RBFOX1: variants seen among roughly 807,000 people sequenced by gnomAD.
The protein encoded by RBFOX1 is RNA binding fox-1 homolog 1.
In RBFOX1, 8 loss-of-function variants were observed where a neutral mutation model predicts 57.7. The ratio of observed to expected loss-of-function variants is 0.14; its 90% CI spans 0.08 to 0.25. The LOEUF (loss-of-function observed/expected upper bound fraction) is 0.25, where lower values mean the gene tolerates loss of function less well. RBFOX1 is among the 10% of genes least tolerant of loss of function. The pLI is 1.00. For missense variants in RBFOX1, 611 were observed against 548.5 expected, an observed-to-expected ratio of 1.11 and a Z score of -1.14; for synonymous variants, 326 against 222.4, an observed-to-expected ratio of 1.47 and a Z score of -4.15.
intron 4 of RBFOX1, among the ~76,000 whole-genome samples, chr16:5,935,458 CAG>C (rs752507128): frequency 5.3e-5 from 8 of 152,054 alleles, no homozygotes; most frequent in Non-Finnish European, 1.2e-4. Flanking sequence ...TGAATAATGG[CAG>C]AGAGGTCTGG....
At chr16:5,878,689 C>T (rs532685679) in intron 4 of RBFOX1, among the ~76,000 whole-genome samples, 5 of 146,242 alleles carry the variant, frequency 3.4e-5, no homozygotes, top group South Asian at 2.1e-4. Flanking sequence ...GAATGACAAT[C>T]GGGGTCGAAA....
intron 3 of RBFOX1, among the ~76,000 whole-genome samples, chr16:6,823,806 C>A (rs12598038): frequency 3.9e-4 from 60 of 152,064 alleles, no homozygotes; most frequent in Admixed American, 7.2e-4. Flanking sequence ...TAGGAGATTC[C>A]TACCTCTGGG....
intron 3 of RBFOX1, among the ~76,000 whole-genome samples, chr16:5,771,717 C>G (rs1376625281): frequency 6.6e-6 from 1 of 152,178 alleles, no homozygotes; most frequent in Non-Finnish European, 1.5e-5. Context: ...CCAAAAGCAT[C>G]TCATTTTGGT....
chr16:6,256,223 ATATATATATG>A (rs1261066708), intron 1 of RBFOX1, among the ~76,000 whole-genome samples: 4,630 of 108,980 alleles, frequency 0.042, 438 homozygotes, highest in African/African-American at 0.12. Context: ...ATATATATGT[ATATATATATG>A]TGTATATATA....
intron 1 of RBFOX1, among the ~76,000 whole-genome samples, chr16:6,024,071 C>G (rs2095138108): frequency 6.6e-6 from 1 of 152,122 alleles, no homozygotes; most frequent in African/African-American, 2.4e-5. Context: ...TTTTTTGAAT[C>G]TGTAGTCATT....
At chr16:6,449,708 G>C (rs2094552627) in intron 2 of RBFOX1, among the ~76,000 whole-genome samples, 1 of 152,158 alleles carries the variant, frequency 6.6e-6, no homozygotes, top group South Asian at 2.1e-4. Context: ...CTGTTTAAGA[G>C]TGTTTTTATT....
At chr16:7,205,587 C>T (rs996474796) in intron 4 of RBFOX1, among the ~76,000 whole-genome samples, 1 of 151,982 alleles carries the variant, frequency 6.6e-6, no homozygotes, top group Admixed American at 6.6e-5. Flanking sequence ...TAGAATGTTC[C>T]TATCCACCCT....
intron 12 of RBFOX1, among the ~76,000 whole-genome samples, chr16:7,658,570 T>G (rs1307667470): frequency 6.6e-6 from 1 of 152,122 alleles, no homozygotes. Context: ...AGACAGCAAG[T>G]GGAGGCTTTG....
intron 3 of RBFOX1, among the ~76,000 whole-genome samples, chr16:6,958,474 A>G (rs576205905): frequency 1.3e-5 from 2 of 152,268 alleles, no homozygotes; most frequent in Non-Finnish European, 2.9e-5. Flanking sequence ...ATAATTTGTG[A>G]CACAAAAGGC....
chr16:6,082,476 C>A (rs1368620608), intron 1 of RBFOX1, among the ~76,000 whole-genome samples: 1 of 148,624 alleles, frequency 6.7e-6, no homozygotes, highest in Non-Finnish European at 1.5e-5. Context: ...GCCTCCAGTG[C>A]ATTTTAGGCA....
chr16:5,997,519 C>G (rs1424130), intron 4 of RBFOX1, among the ~76,000 whole-genome samples: 14,269 of 152,198 alleles, frequency 0.094, 716 homozygotes, highest in South Asian at 0.14. Flanking sequence ...CACACCTGTA[C>G]TTTATCTGAC....
intron 3 of RBFOX1, among the ~76,000 whole-genome samples, chr16:6,997,794 G>T (rs1333339296): frequency 6.6e-6 from 1 of 152,108 alleles, no homozygotes; most frequent in Non-Finnish European, 1.5e-5. Context: ...CTGTTTCTCT[G>T]AGGTAGGGTT....
chr16:6,587,238 CTTT>C (rs2097641043), intron 2 of RBFOX1, among the ~76,000 whole-genome samples: 1 of 151,742 alleles, frequency 6.6e-6, no homozygotes, highest in African/African-American at 2.4e-5. Flanking sequence ...GGGTTCACTT[CTTT>C]AAGATTCCAC....
intron 3 of RBFOX1, among the ~76,000 whole-genome samples, chr16:6,703,616 A>C (rs1215082753): frequency 6.6e-6 from 1 of 152,132 alleles, no homozygotes; most frequent in African/African-American, 2.4e-5. Flanking sequence ...CTGAGGTGGG[A>C]GGATCACTTG....
chr16:6,084,354 TC>T (rs1191406323), intron 1 of RBFOX1, among the ~76,000 whole-genome samples: 3 of 152,088 alleles, frequency 2.0e-5, no homozygotes, highest in African/African-American at 7.2e-5. Context: ...GGTGATCCCT[TC>T]ACCTCAGCCT....
intron 2 of RBFOX1, among the ~76,000 whole-genome samples, chr16:6,370,362 GA>G (rs71145221): frequency 0.016 from 1,277 of 81,808 alleles, 4 homozygotes; most frequent in African/African-American, 0.05. Context: ...CGTCTCAAAA[GA>G]AAAAAAAAAA....
At chr16:6,869,642 G>A (rs181709894) in intron 3 of RBFOX1, among the ~76,000 whole-genome samples, 93 of 152,266 alleles carry the variant, frequency 6.1e-4, no homozygotes, top group African/African-American at 2.1e-3. Flanking sequence ...CAACTCTGAC[G>A]TGTTAGAACT....
intron 1 of RBFOX1, among the ~76,000 whole-genome samples, chr16:6,177,711 G>C (rs999850508): frequency 1.3e-5 from 2 of 152,104 alleles, no homozygotes; most frequent in South Asian, 4.1e-4. Context: ...TTTACTCACT[G>C]ATATTTTGAA....
At chr16:6,624,495 A>C (rs2098276725) in intron 2 of RBFOX1, among the ~76,000 whole-genome samples, 1 of 152,168 alleles carries the variant, frequency 6.6e-6, no homozygotes, top group Non-Finnish European at 1.5e-5. Flanking sequence ...TCTACCTAAC[A>C]GAACATACCA....
Sources: gnomAD v4.1 joint callset for allele counts (sites outside exome capture counted in the v4.1 genomes callset) on GRCh38, gnomAD v4.1.1 for gene constraint, MANE v1.5 for transcripts, NCBI Gene and HGNC (gene_info 2026-07-23, HGNC 2026-07-21) for gene names.